Variants in LRP1B observed in about 807,000 individuals in gnomAD.
The protein encoded by LRP1B is low-density lipoprotein receptor-related protein 1B.
LRP1B carries 217 observed loss-of-function variants against 556.6 expected under a neutral mutation model. The observed-to-expected ratio is 0.39, with a 90% CI of 0.35 to 0.44. The LOEUF is 0.44. LRP1B is among the 20% of genes least tolerant of loss of function. The pLI is 1.00. For missense variants in LRP1B, 5,053 were observed against 5,620.8 expected (o/e 0.90, Z 3.23); for synonymous variants, 2,047 against 1,865.8 (o/e 1.10, Z -2.50).
intron 53 of LRP1B, 150 bp downstream of exon 53, chr2:140,506,646 A>G (rs1689426011): frequency 1.4e-6 from 1 of 709,010 alleles, no homozygotes; most frequent in Non-Finnish European, 2.4e-6. Context: ...TAAATAAGTT[A>G]TATGTGCTGT....
At chr2:140,840,193 G>T in intron 30 of LRP1B, 108 bp from the exon 31 acceptor site, 1 of 621,902 alleles carries the variant, frequency 1.6e-6, no homozygotes. Flanking sequence ...TCTTGACTCA[G>T]GATTAATTCT....
At chr2:142,060,973 A>T (rs1704883883) in intron 1 of LRP1B, among the ~76,000 whole-genome samples, 1 of 151,940 alleles carries the variant, frequency 6.6e-6, no homozygotes, top group South Asian at 2.1e-4. Context: ...TAAGCTTTTA[A>T]GGAAACAGGA....
intron 2 of LRP1B, among the ~76,000 whole-genome samples, chr2:141,684,369 T>G (rs1392851309): frequency 6.6e-6 from 1 of 151,858 alleles, no homozygotes; most frequent in Non-Finnish European, 1.5e-5. Context: ...AACCAAACAC[T>G]GCATGTTCTC....
intron 2 of LRP1B, among the ~76,000 whole-genome samples, chr2:141,685,837 A>C (rs771732388): frequency 6.6e-6 from 1 of 152,068 alleles, no homozygotes; most frequent in Non-Finnish European, 1.5e-5. Flanking sequence ...AAACTAATAC[A>C]ATATCTTCTT....
chr2:141,882,550 C>A (rs1445708448), intron 1 of LRP1B, among the ~76,000 whole-genome samples: 1 of 152,140 alleles, frequency 6.6e-6, no homozygotes, highest in African/African-American at 2.4e-5. Context: ...AATGTTCAAA[C>A]AACTCATGGT....
At chr2:140,937,647 A>C (rs1285383455) in intron 20 of LRP1B, among the ~76,000 whole-genome samples, 1 of 152,082 alleles carries the variant, frequency 6.6e-6, no homozygotes, top group Non-Finnish European at 1.5e-5. Flanking sequence ...GTTCTCATGA[A>C]AGAAACAGAA....
At chr2:140,953,369 G>A (rs1003900353) in intron 18 of LRP1B, among the ~76,000 whole-genome samples, 85 of 152,260 alleles carry the variant, frequency 5.6e-4, no homozygotes, top group Admixed American at 5.2e-3. Context: ...GATTACAGGC[G>A]TGAGCCACTG....
chr2:142,065,212 A>T (rs931418496), intron 1 of LRP1B, among the ~76,000 whole-genome samples: 1 of 151,536 alleles, frequency 6.6e-6, no homozygotes, highest in Non-Finnish European at 1.5e-5. Context: ...TTAGTGACTT[A>T]AAACACAAAA....
At chr2:141,349,128 G>T (rs1175821488) in intron 3 of LRP1B, among the ~76,000 whole-genome samples, 1 of 152,010 alleles carries the variant, frequency 6.6e-6, no homozygotes, top group Non-Finnish European at 1.5e-5. Flanking sequence ...TCAAACTACA[G>T]GATACTTCCA....
At chr2:140,675,123 T>C (rs557181861) in intron 41 of LRP1B, among the ~76,000 whole-genome samples, 39 of 152,356 alleles carry the variant, frequency 2.6e-4, no homozygotes, top group African/African-American at 7.9e-4. Flanking sequence ...CTCCTTGTTA[T>C]AGGAAACTTG....
At chr2:141,374,554 G>C (rs753781385) in intron 3 of LRP1B, among the ~76,000 whole-genome samples, 3 of 152,010 alleles carry the variant, frequency 2.0e-5, no homozygotes, top group African/African-American at 7.2e-5. Context: ...TGTCTTGAAG[G>C]CTTCATTCAT....
At chr2:141,578,828 A>G (rs1446709286) in intron 2 of LRP1B, among the ~76,000 whole-genome samples, 2 of 152,148 alleles carry the variant, frequency 1.3e-5, no homozygotes, top group East Asian at 3.9e-4. Flanking sequence ...CGTATGTGCA[A>G]AATTACCCAT....
At chr2:141,650,366 G>A (rs1164414677) in intron 2 of LRP1B, among the ~76,000 whole-genome samples, 2 of 152,158 alleles carry the variant, frequency 1.3e-5, no homozygotes, top group Non-Finnish European at 2.9e-5. Flanking sequence ...GGAGGGGAAG[G>A]AGAAATGGGA....
intron 7 of LRP1B, among the ~76,000 whole-genome samples, chr2:141,145,922 C>CTTTTTTTTTTT (rs70991144): frequency 1.0e-4 from 7 of 67,186 alleles, no homozygotes; most frequent in Non-Finnish European, 1.6e-4. Context: ...TTCTTTCTTT[C>CTTTTTTTTTTT]TTTTTTTTTT....
intron 1 of LRP1B, among the ~76,000 whole-genome samples, chr2:142,126,153 G>T (rs548944533): frequency 2.6e-5 from 4 of 151,826 alleles, no homozygotes; most frequent in South Asian, 4.1e-4. Flanking sequence ...ATTTTGACAC[G>T]TGTTTCTGCC....
intron 1 of LRP1B, among the ~76,000 whole-genome samples, chr2:141,946,895 C>G (rs1260288360): frequency 6.6e-6 from 1 of 152,010 alleles, no homozygotes. Context: ...GGATGAAAAG[C>G]ACATTACTCA....
At position 140,716,180 on chromosome 2, in the gene LRP1B, T is replaced by A. The variant is rs1030698019; in HGVS notation, c.5894-78A>T. 4 of 1,063,750 alleles carry A rather than the reference T, an allele frequency of 3.8e-6. No individual in the cohort carries two copies. In the African/African-American group the frequency reaches 6.3e-5, roughly 17 times the overall value. 65.9% of individuals were successfully genotyped at this position (1,063,750 alleles called of 1,614,324 possible). The stretch of plus-strand genomic sequence containing the variant: ...TTTGTCATGACTAAAATTAAATTTC[T>A]GAGCATTCACATAACTATCAAGAAA... On this transcript the variant is annotated intron_variant, in intron 36 of 90. Transcript: ENST00000389484.
intron 2 of LRP1B, among the ~76,000 whole-genome samples, chr2:141,643,859 G>A (rs1689439171): frequency 6.6e-6 from 1 of 152,080 alleles, no homozygotes; most frequent in Non-Finnish European, 1.5e-5. Flanking sequence ...GCAGCATTGT[G>A]TGCAAAATGA....
intron 27 of LRP1B, among the ~76,000 whole-genome samples, chr2:140,863,115 C>T (rs1692847620): frequency 6.6e-6 from 1 of 152,082 alleles, no homozygotes; most frequent in Non-Finnish European, 1.5e-5. Flanking sequence ...ATATGAGTTA[C>T]TTTCTAAAAT....
Sources: gnomAD v4.1 joint callset for allele counts (sites outside exome capture counted in the v4.1 genomes callset) on GRCh38, gnomAD v4.1.1 for gene constraint, MANE v1.5 for transcripts, NCBI Gene and HGNC (gene_info 2026-07-23, HGNC 2026-07-21) for gene names.